BEST2: variants seen among roughly 807,000 people sequenced by gnomAD.
The protein encoded by BEST2 is bestrophin 2.
In BEST2, 36 loss-of-function variants were observed where a neutral mutation model predicts 49.0. The ratio of observed to expected loss-of-function variants is 0.73; its 90% CI spans 0.56 to 0.97. The LOEUF (loss-of-function observed/expected upper bound fraction) is 0.97. BEST2 is among the 50% of genes least tolerant of loss of function. The pLI, the probability that BEST2 is intolerant of heterozygous loss-of-function variation, is 0.00. For synonymous variants in BEST2, 335 were observed against 304.4 expected, an observed-to-expected ratio of 1.10 and a Z score of -1.05; for missense variants, 672 against 710.0, an observed-to-expected ratio of 0.95 and a Z score of 0.61.
chr19:12,756,904 G>A (rs1451619764), intron 9 of BEST2, among the ~76,000 whole-genome samples: 2 of 152,044 alleles, frequency 1.3e-5, no homozygotes, highest in Non-Finnish European at 2.9e-5. Flanking sequence ...AGCACTTTGG[G>A]AGGCCAAGGC....
rs1460384198 is a variant in BEST2, at chr19:12,756,057, G to A, written c.949-84G>A. 1.9e-6 allele frequency: 3 copies of A among 1,600,098 alleles called. No individual in the cohort carries two copies. In the African/African-American group the frequency reaches 4.0e-5, roughly 21 times the overall value. On this transcript the variant is annotated intron_variant, in intron 8 of 9. Transcript: ENST00000553030. ...CACCCCAACCATCCTTCCCTCTGTG[G>A]TCCCCACCCACCCGAAGGGGTCCAC...
In BEST2 at chr19:12,758,048, AT is replaced by A; in HGVS notation, c.1503del (p.Ile501MetfsTer42). On this transcript the variant is annotated frameshift_variant, in exon 10 of 10. Transcript: ENST00000553030. LOFTEE classifies it high-confidence loss of function. ...GGCGCCACCCTGGCTGCCCAGCCCT[AT>A]TGGCGAGGAGGAGGAGAATCTGGCC... ...GPAPPWLPSP[I>X]GEEEENLA The A allele has an allele frequency of 6.2e-7, 1 of 1,613,104 alleles. No homozygotes were observed. Among genetic ancestry groups the A allele is most frequent in the East Asian group, 2.2e-5 (1 of 44,860 alleles).
chr19:12,752,858 T>C (rs1227151827), intron 2 of BEST2, 114 bp downstream of exon 2: 4 of 839,120 alleles, frequency 4.8e-6, no homozygotes, highest in Non-Finnish European at 4.5e-6. Context: ...TATCTATGTT[T>C]TTTAAACTGA....
At chr19:12,754,488 C>A in intron 3 of BEST2, 64 bp from the exon 4 acceptor site, 2 of 1,344,204 alleles carry the variant, frequency 1.5e-6, no homozygotes, top group Admixed American at 2.8e-5. Flanking sequence ...TCTCCCACAA[C>A]CTGGGCCCCC....
rs1349713103 is a variant in BEST2, at chr19:12,755,627, G to A, written c.727G>A (p.Ala243Thr). Residue 243 changes from alanine to threonine, a missense_variant, in exon 7 of 10, where the codon GCA (alanine) becomes ACA (threonine). By Grantham distance (58) the Ala-to-Thr change is moderately conservative (BLOSUM62 0). Coordinates refer to ENST00000553030, the MANE Select transcript of BEST2 (RefSeq NM_017682.3). This position sits in a 1 kb window ranked among gnomAD's most constrained non-coding sequence, Gnocchi z 4.4. ...CCGCCCTGCCCAGGTGGTGACCATC[G>A]CACTGTACAGCTACTTCCTGGCTTG... ...PLVYTQVVTI[A>T]LYSYFLACLI... is the part of the protein sequence containing the mutation. The A allele has an allele frequency of 1.3e-5, 21 of 1,613,586 alleles. No homozygotes were observed. The highest frequency in any genetic ancestry group is 1.6e-5 in the Non-Finnish European group (19 of 1,179,950).
At position 12,757,658 on chromosome 19, in the gene BEST2, A is replaced by G; in HGVS notation, c.1111A>G (p.Lys371Glu). The G allele has an allele frequency of 6.5e-7, 1 of 1,538,522 alleles. No individual in the cohort carries two copies. The highest frequency in any genetic ancestry group is 8.7e-7 in the Non-Finnish European group (1 of 1,147,406). ...CCACTGTCGGTCCCGCAGGCTGGCC[A>G]AAGAAGACATGCAGTTCCAGCGGCT... is the stretch of plus-strand genomic sequence containing the variant. The part of the protein sequence containing the change: ...QGSTFDITLA[K>E]EDMQFQRLDG... The change falls in exon 10 of 10, where the codon AAA (lysine) becomes GAA (glutamate). Residue 371 changes from lysine to glutamate, a missense_variant. By Grantham distance (56) the Lys-to-Glu change is moderately conservative. This residue lies in a region of BEST2 where 291 missense variants were observed against 279.8 expected (regional missense o/e 1.04). Coordinates refer to ENST00000553030, the MANE Select transcript of BEST2 (RefSeq NM_017682.3).
intron 3 of BEST2, 108 bp downstream of exon 3, chr19:12,753,462 A>C: frequency 2.0e-6 from 2 of 1,025,536 alleles, no homozygotes; most frequent in Non-Finnish European, 3.0e-6. Context: ...CCCCCCCTCA[A>C]ATCCAACCCC....
chr19:12,756,173 T>C lies in BEST2; in HGVS notation c.981T>C (p.Asp327=). ...VSMLAVDEMY[D]DLAVLEKDLY... ...TGCTGGCAGTGGACGAGATGTATGA[T>C]GACCTGGCTGTGCTGGAGAAGGACT... Residue 327 remains aspartate, a synonymous_variant, in exon 9 of 10, where the codon GAT becomes GAC. Coordinates refer to ENST00000553030, the MANE Select transcript of BEST2 (RefSeq NM_017682.3). 1.2e-6 allele frequency: 2 copies of C among 1,614,258 alleles called. No homozygotes were observed. The highest frequency in any genetic ancestry group is 1.1e-5 in the South Asian group (1 of 91,088).
At chr19:12,756,583 C>G (rs1231779165) in intron 9 of BEST2, 1 of 416,450 alleles carries the variant, frequency 2.4e-6, no homozygotes, top group African/African-American at 2.0e-5. Context: ...CTGGCTCACG[C>G]CTGTAATCCC....
In BEST2 at chr19:12,758,181, C is replaced by T; in HGVS notation, c.*104C>T. ...GCCTCGTGTGCCTTTGTAAAGTCCA[C>T]CTACACTTTTGACCAGCTCTCGCTG... On this transcript the variant is annotated 3_prime_UTR_variant, in exon 10 of 10. Coordinates refer to ENST00000553030, the MANE Select transcript of BEST2 (RefSeq NM_017682.3). 7.4e-7 allele frequency: 1 copy of T among 1,356,118 alleles called. No homozygotes were observed. The highest frequency in any genetic ancestry group is 1.3e-5 in the South Asian group (1 of 76,452). 84.0% of individuals were successfully genotyped at this position (1,356,118 alleles called of 1,614,324 possible).
Position 12,755,316 on chromosome 19 carries a change from A to G in BEST2, c.637-63A>G. 1 of 1,541,662 alleles carries G rather than the reference A, an allele frequency of 6.5e-7. No individual in the cohort carries two copies. On this transcript the variant is annotated intron_variant, in intron 5 of 9. Coordinates refer to ENST00000553030, the MANE Select transcript of BEST2 (RefSeq NM_017682.3). This position sits in a 1 kb window ranked among gnomAD's most constrained non-coding sequence, Gnocchi z 4.4. ...CCACCCACCTCCATCCCACGTACCT[A>G]CACTTAATATCCCTGTGTGAGCTCA...
intron 9 of BEST2, among the ~76,000 whole-genome samples, chr19:12,757,126 A>C (rs557673465): frequency 7.4e-6 from 1 of 134,930 alleles, no homozygotes; most frequent in Non-Finnish European, 1.6e-5. Flanking sequence ...CTGGGCCACA[A>C]GAGTAAAACT....
Position 12,755,853 on chromosome 19 carries a change from A to C in BEST2, c.868-2A>C, listed in dbSNP as rs755696355. 6.2e-7 allele frequency: 1 copy of C among 1,614,174 alleles called. No individual in the cohort carries two copies. The highest frequency in any genetic ancestry group is 1.1e-5 in the South Asian group (1 of 91,082). On this transcript the variant is annotated splice_acceptor_variant, in intron 7 of 9. Coordinates refer to ENST00000553030, the MANE Select transcript of BEST2 (RefSeq NM_017682.3). LOFTEE classifies it high-confidence loss of function. The surrounding 1 kb of genome is among the most constrained non-coding windows in gnomAD (Gnocchi z 4.4). ...CCACCTAACTGCTCCCTCTCCTCTC[A>C]GGTAGCTGAGCAGCTCATCAACCCC...
Position 12,756,191 on chromosome 19 carries a change from G to A in BEST2, c.999G>A (p.Glu333=). 2 of 1,614,256 alleles carry A rather than the reference G, an allele frequency of 1.2e-6. No individual in the cohort carries two copies. Among genetic ancestry groups the A allele is most frequent in the Admixed American group, 1.7e-5 (1 of 60,032 alleles). The change falls in exon 9 of 10, where the codon GAG becomes GAA. Residue 333 remains glutamate, a synonymous_variant. Coordinates refer to ENST00000553030, the MANE Select transcript of BEST2 (RefSeq NM_017682.3). ...TGTATGATGACCTGGCTGTGCTGGA[G>A]AAGGACTTGTACTGGGATGCAGCCG... The part of the protein sequence containing the change: ...DEMYDDLAVL[E]KDLYWDAAEA...
rs1271383213 is a variant in BEST2, at chr19:12,756,284, C to T, written c.1092C>T (p.Thr364=). The change falls in exon 9 of 10, where the codon ACC becomes ACT. Residue 364 remains threonine, a synonymous_variant. Coordinates refer to ENST00000553030, the MANE Select transcript of BEST2 (RefSeq NM_017682.3). ...QLRQPSFQGS[T]FDITLAKEDM... ...GGCAGCCTTCCTTCCAGGGCTCCACCTTTGACATCACGTGAGCCAGTTGGG... is the reference window on the plus strand; with the variant it reads ...GGCAGCCTTCCTTCCAGGGCTCCACTTTTGACATCACGTGAGCCAGTTGGG... The T allele has an allele frequency of 6.2e-7, 1 of 1,613,116 alleles. No individual in the cohort carries two copies. The highest frequency in any genetic ancestry group is 8.5e-7 in the Non-Finnish European group (1 of 1,180,032).
chr19:12,752,561 C>A lies in BEST2; in HGVS notation c.-32C>A. 1 of 1,607,406 alleles carries A rather than the reference C, an allele frequency of 6.2e-7. No individual in the cohort carries two copies. The highest frequency in any genetic ancestry group is 1.1e-5 in the South Asian group (1 of 90,868). On this transcript the variant is annotated 5_prime_UTR_variant, in exon 2 of 10. Transcript: ENST00000553030. ...CCGCAGCCCCCACCCGGGCCACCCA[C>A]TCTCCCTTGGCCACACCTGCCGGGT...
Position 12,757,894 on chromosome 19 carries a change from G to T in BEST2, c.1347G>T (p.Gly449=). Residue 449 remains glycine, a synonymous_variant, in exon 10 of 10, where the codon GGG becomes GGT. Coordinates refer to ENST00000553030, the MANE Select transcript of BEST2 (RefSeq NM_017682.3). The part of the protein sequence containing the change: ...PEGAAPECSC[G]DPLLDPGLPE... The stretch of plus-strand genomic sequence containing the variant: ...GCGCGGCCCCGGAGTGCAGCTGCGG[G>T]GACCCGCTGCTCGACCCCGGCCTGC... 6.4e-7 allele frequency: 1 copy of T among 1,552,616 alleles called. No individual in the cohort carries two copies. Among genetic ancestry groups the T allele is most frequent in the Non-Finnish European group, 8.7e-7 (1 of 1,149,526 alleles).
chr19:12,755,085 G>A lies in BEST2; in HGVS notation c.636+54G>A. ...AGAATACCAGGGAAATTGTACCCCT[G>A]GAGCTGTGTCAACGGCGGCCCTCCA... On this transcript the variant is annotated intron_variant, in intron 5 of 9. Coordinates refer to ENST00000553030, the MANE Select transcript of BEST2 (RefSeq NM_017682.3). The surrounding 1 kb of genome is among the most constrained non-coding windows in gnomAD (Gnocchi z 4.4). The A allele has an allele frequency of 6.5e-7, 1 of 1,545,210 alleles. No homozygotes were observed. The highest frequency in any genetic ancestry group is 8.7e-7 in the Non-Finnish European group (1 of 1,150,126).
chr19:12,756,411 C>T lies in BEST2; in HGVS notation c.1103+116C>T, dbSNP rs189699152. On this transcript the variant is annotated intron_variant, in intron 9 of 9. Coordinates refer to ENST00000553030, the MANE Select transcript of BEST2 (RefSeq NM_017682.3). Reference sequence around the variant, plus strand: ...TGGAGATGGGGATAAGAGCTAAAGTCTCAGGACTGTGATAACGCCAGAAGC... The same window carrying T: ...TGGAGATGGGGATAAGAGCTAAAGTTTCAGGACTGTGATAACGCCAGAAGC... 1.4e-3 allele frequency: 1,970 copies of T among 1,381,616 alleles called. 9 individuals are homozygous for T. The highest frequency in any genetic ancestry group is 8.7e-3 in the Middle Eastern group (38 of 4,368). 85.6% of individuals were successfully genotyped at this position (1,381,616 alleles called of 1,614,324 possible).
Sources: gnomAD v4.1 joint callset for allele counts (sites outside exome capture counted in the v4.1 genomes callset) on GRCh38, gnomAD v4.1.1 for gene constraint, gnomAD v4.1.1 regional missense constraint, Gnocchi (gnomAD v3.1) non-coding constraint, MANE v1.5 for transcripts, NCBI Gene and HGNC (gene_info 2026-07-23, HGNC 2026-07-21) for gene names.